The following PSD2 variants were observed in gnomAD, a reference collection of about 807,000 sequenced individuals.
PSD2 encodes PH and SEC7 domain-containing protein 2.
In PSD2, 38 loss-of-function variants were observed where a neutral mutation model predicts 69.8. The ratio of observed to expected loss-of-function variants is 0.54; its 90% CI spans 0.42 to 0.71. The LOEUF is 0.71. Among genes scored for constraint, PSD2 ranks in the 30% least tolerant of loss-of-function variants. The pLI is 0.00. For missense variants in PSD2, 943 were observed against 1,014.5 expected, an observed-to-expected ratio of 0.93 and a Z score of 0.96; for synonymous variants, 412 against 423.0, an observed-to-expected ratio of 0.97 and a Z score of 0.32.
chr5:139,817,140 A>T (rs1277025857), intron 4 of PSD2, among the ~76,000 whole-genome samples: 1 of 152,068 alleles, frequency 6.6e-6, no homozygotes, highest in Non-Finnish European at 1.5e-5. Context: ...TTGCTGCCCC[A>T]TTCTTGCTCT....
intron 7 of PSD2, among the ~76,000 whole-genome samples, chr5:139,825,715 A>G (rs1054280349): frequency 1.3e-5 from 2 of 151,880 alleles, no homozygotes; most frequent in African/African-American, 4.8e-5. Context: ...GGGGGACTTG[A>G]GTCCCGATTT....
the PSD2 span, among the ~76,000 whole-genome samples, chr5:139,789,291 C>G: frequency 6.6e-6 from 1 of 152,162 alleles, no homozygotes; most frequent in Non-Finnish European, 1.5e-5. Flanking sequence ...CAGACAGTCA[C>G]GACACAGTAT....
intron 7 of PSD2, among the ~76,000 whole-genome samples, chr5:139,826,457 G>A (rs946736902): frequency 6.6e-6 from 1 of 152,278 alleles, no homozygotes; most frequent in Non-Finnish European, 1.5e-5. Context: ...AGTGTGAGTG[G>A]GGAATGTTGA....
chr5:139,806,518 G>C lies in PSD2; in HGVS notation c.-50-2873G>C, dbSNP rs117977797. ...CCTTCCTCATTTGTCAAATATGGCG[G>C]TAGAAAGGGTGGAGCACAGCTGCCT... On this transcript the variant is annotated intron_variant, in intron 1 of 14. Transcript: ENST00000274710. Among the ~76,000 whole-genome samples, 19 of 152,348 alleles carry C rather than the reference G, an allele frequency of 1.2e-4. No individual in the cohort carries two copies. The East Asian group carries it at 3.5e-3, about 28-fold the overall frequency.
the PSD2 span, among the ~76,000 whole-genome samples, chr5:139,778,472 A>T: frequency 2.0e-5 from 3 of 152,250 alleles, no homozygotes; most frequent in Non-Finnish European, 2.9e-5. Context: ...CATTTTAATG[A>T]CATAATACTC....
At chr5:139,747,913 C>G in the PSD2 span, among the ~76,000 whole-genome samples, 1 of 152,256 alleles carries the variant, frequency 6.6e-6, no homozygotes, top group Non-Finnish European at 1.5e-5. The surrounding 1 kb of genome is among the most constrained non-coding windows in gnomAD (Gnocchi z 6.7). Context: ...GCGAGCCGAC[C>G]CTGAATTTTA....
chr5:139,796,667 C>A (rs1420504984), intron 1 of PSD2, among the ~76,000 whole-genome samples: 23 of 152,154 alleles, frequency 1.5e-4, no homozygotes, highest in Admixed American at 6.5e-5. Flanking sequence ...GCCCAGCGGG[C>A]CCCCTCGGAG....
chr5:139,748,342 T>G, the PSD2 span, among the ~76,000 whole-genome samples: 1 of 152,196 alleles, frequency 6.6e-6, no homozygotes, highest in Non-Finnish European at 1.5e-5. Flanking sequence ...ATACACATAT[T>G]TGGGCACCTG....
rs866905843 is a variant in PSD2, at chr5:139,840,132, G to T, written c.2074G>T (p.Glu692Ter). 6.2e-7 allele frequency: 1 copy of T among 1,614,186 alleles called. No individual in the cohort carries two copies. Among genetic ancestry groups the T allele is most frequent in the Non-Finnish European group, 8.5e-7 (1 of 1,180,046 alleles). Residue 692 changes from glutamate (E) to a stop codon, truncating the protein, a stop_gained, in exon 14 of 15, where the codon GAG becomes TAG. Coordinates refer to ENST00000274710, the MANE Select transcript of PSD2 (RefSeq NM_032289.4). LOFTEE classifies it high-confidence loss of function. Reference protein sequence around the residue: ...VERGIKSKEAEEYRLKEHYLT... With the variant: ...VERGIKSKEA ...GAGGGGCATCAAGTCCAAGGAGGCC[G>T]AGGAGTACCGGTTGAAGGAGCACTA...
intron 8 of PSD2, among the ~76,000 whole-genome samples, chr5:139,834,081 C>T (rs955465890): frequency 3.9e-5 from 6 of 152,110 alleles, no homozygotes; most frequent in South Asian, 2.1e-4. Context: ...CCACCACAAC[C>T]GCCACCACCA....
upstream of PSD2, among the ~76,000 whole-genome samples, chr5:139,791,061 A>T (rs1418570169): frequency 6.6e-6 from 1 of 151,948 alleles, no homozygotes; most frequent in Non-Finnish European, 1.5e-5. Flanking sequence ...CAAAAAAATA[A>T]AAAAAGAAAA....
chr5:139,769,617 A>G, the PSD2 span, among the ~76,000 whole-genome samples: 2 of 152,186 alleles, frequency 1.3e-5, no homozygotes, highest in Non-Finnish European at 2.9e-5. Context: ...TCATCTGTCC[A>G]GCACTTGCCC....
chr5:139,833,542 G>C (rs560165715), intron 7 of PSD2, among the ~76,000 whole-genome samples, 160 bp from the exon 8 acceptor site: 11 of 152,320 alleles, frequency 7.2e-5, no homozygotes, highest in South Asian at 6.2e-4. Context: ...CTGTGAGAAA[G>C]AGTTTTGTAA....
At chr5:139,745,381 C>G in the PSD2 span, 1 of 152,550 alleles carries the variant, frequency 6.6e-6, no homozygotes, top group Non-Finnish European at 1.5e-5. Context: ...TCAGGCCCCC[C>G]TACCACCACA....
intron 1 of PSD2, among the ~76,000 whole-genome samples, chr5:139,798,751 C>G (rs1015589113): frequency 5.9e-5 from 9 of 152,176 alleles, no homozygotes; most frequent in African/African-American, 2.2e-4. Flanking sequence ...TTTCCTGAGA[C>G]AGGGACATTT....
intron 1 of PSD2, among the ~76,000 whole-genome samples, chr5:139,805,486 C>A (rs1186315881): frequency 6.6e-6 from 1 of 152,216 alleles, no homozygotes; most frequent in African/African-American, 2.4e-5. Context: ...GTGAACATGA[C>A]ATAGTCCCCA....
intron 7 of PSD2, among the ~76,000 whole-genome samples, chr5:139,829,203 A>C (rs530461218): frequency 6.6e-6 from 1 of 152,350 alleles, no homozygotes; most frequent in Admixed American, 6.5e-5. Flanking sequence ...CGCCCTGAGA[A>C]AGATCAATTC....
At chr5:139,788,989 C>G in the PSD2 span, among the ~76,000 whole-genome samples, 2 of 152,216 alleles carry the variant, frequency 1.3e-5, no homozygotes, top group Non-Finnish European at 2.9e-5. Context: ...TCCTGGCTAA[C>G]ATGGGAGTGG....
At chr5:139,785,746 T>A in the PSD2 span, among the ~76,000 whole-genome samples, 1 of 152,062 alleles carries the variant, frequency 6.6e-6, no homozygotes, top group Non-Finnish European at 1.5e-5. Flanking sequence ...GTTGAATGAA[T>A]CAGTGAAGGA....
Sources: allele counts gnomAD v4.1 joint callset (sites outside exome capture counted in the v4.1 genomes callset), GRCh38; gene constraint gnomAD v4.1.1; non-coding constraint Gnocchi (gnomAD v3.1); transcripts MANE v1.5; gene names NCBI Gene and HGNC (gene_info 2026-07-23, HGNC 2026-07-21).